Variants in HECTD3 observed in about 807,000 individuals in gnomAD.
The protein encoded by HECTD3 is HECT domain E3 ubiquitin protein ligase 3.
In HECTD3, 72 loss-of-function variants were observed where a neutral mutation model predicts 109.3. That is an observed-to-expected ratio of 0.66 (90% CI 0.54 to 0.80). HECTD3 has a LOEUF of 0.80. Among genes scored for constraint, HECTD3 ranks in the 30% least tolerant of loss-of-function variants. HECTD3 has a pLI of 0.00. For missense variants in HECTD3, 1,041 were observed against 1,165.2 expected (o/e 0.89, Z 1.55); for synonymous variants, 481 against 471.8 (o/e 1.02, Z -0.25).
chr1:45,009,331 A>G (rs1644763280), intron 6 of HECTD3, 38 bp downstream of exon 6: 3 of 1,565,340 alleles, frequency 1.9e-6, no homozygotes, highest in Non-Finnish European at 2.6e-6. Flanking sequence ...CTAGGCTTGG[A>G]ACATGCCCTA....
Position 45,006,877 on chromosome 1 carries a change from T to C in HECTD3, c.1621+74A>G, listed in dbSNP as rs995273497. ...TAATGAATAGGTCCCCCATCATCAT[T>C]AGCTGGTGAAAAGCCTCTACCACTT... On this transcript the variant is annotated intron_variant, in intron 12 of 20. Coordinates refer to ENST00000372172, the MANE Select transcript of HECTD3 (RefSeq NM_024602.6). This position sits in a 1 kb window ranked among gnomAD's most constrained non-coding sequence, Gnocchi z 4.7. 1.3e-6 allele frequency: 2 copies of C among 1,586,054 alleles called. No homozygotes were observed. The highest frequency in any genetic ancestry group is 1.3e-5 in the African/African-American group (1 of 74,426).
At chr1:45,008,394 G>A (rs1411185869) in intron 8 of HECTD3, 73 bp from the exon 9 acceptor site, 2 of 1,511,044 alleles carry the variant, frequency 1.3e-6, no homozygotes, top group Non-Finnish European at 1.8e-6. Context: ...CAACATAAAG[G>A]GACAGGAAAA....
At position 45,011,298 on chromosome 1, in the gene HECTD3, C is replaced by G. The variant is rs558312865; in HGVS notation, c.-41G>C. Reference sequence around the variant, plus strand: ...GTGAGCACCTAGAGGCGACCCTGCCCGGGGAACAGCTGGCGCGACCGCGGA... The same window carrying G: ...GTGAGCACCTAGAGGCGACCCTGCCGGGGGAACAGCTGGCGCGACCGCGGA... On this transcript the variant is annotated 5_prime_UTR_variant, in exon 1 of 21. Transcript: ENST00000372172. 4 of 1,349,782 alleles carry G rather than the reference C, an allele frequency of 3.0e-6. No homozygotes were observed. Among genetic ancestry groups the G allele is most frequent in the East Asian group, 3.1e-5 (1 of 32,362 alleles). The allele number at this position is 1,349,782 out of a possible 1,614,324, so 83.6% of individuals were successfully genotyped here.
intron 3 of HECTD3, 31 bp downstream of exon 3, chr1:45,010,170 C>T (rs766103537): frequency 1.9e-6 from 3 of 1,613,922 alleles, no homozygotes; most frequent in Admixed American, 1.7e-5. Context: ...CGCAGAGCTC[C>T]TTCCTCCCCA....
In HECTD3 at chr1:45,006,142, G is replaced by C. The variant is rs1343900679; in HGVS notation, c.1726-26C>G. 1.2e-6 allele frequency: 2 copies of C among 1,608,784 alleles called. No homozygotes were observed. Among genetic ancestry groups the C allele is most frequent in the African/African-American group, 2.7e-5 (2 of 74,812 alleles). On this transcript the variant is annotated intron_variant, in intron 13 of 20. Coordinates refer to ENST00000372172, the MANE Select transcript of HECTD3 (RefSeq NM_024602.6). The surrounding 1 kb of genome is among the most constrained non-coding windows in gnomAD (Gnocchi z 4.7). ...CTGCCCCAGAGACAGAGCTGTGAGT[G>C]TGGCATGAGATACACCCTATTTTCC...
At position 45,008,606 on chromosome 1, in the gene HECTD3, G is replaced by A; in HGVS notation, c.1168C>T (p.Leu390=). Reference sequence around the variant, plus strand: ...CCTTCTAGGCGTGGATATCGCACCAGACTAGTTGGCTGGAACAGGTCTGCA... The same window carrying A: ...CCTTCTAGGCGTGGATATCGCACCAAACTAGTTGGCTGGAACAGGTCTGCA... ...LNADLFQPTS[L]VRYPRLEGTD... is the part of the protein sequence containing the mutation. Residue 390 remains leucine, a synonymous_variant, in exon 8 of 21, where the codon CTG becomes TTG. Coordinates refer to ENST00000372172, the MANE Select transcript of HECTD3 (RefSeq NM_024602.6). 2 of 1,614,070 alleles carry A rather than the reference G, an allele frequency of 1.2e-6. No homozygotes were observed. The highest frequency in any genetic ancestry group is 2.2e-5 in the South Asian group (2 of 91,076).
chr1:45,010,827 C>CTTT, intron 1 of HECTD3, 62 bp downstream of exon 1: 2 of 1,504,994 alleles, frequency 1.3e-6, no homozygotes, highest in Non-Finnish European at 1.8e-6. Flanking sequence ...AAAAGGCAAA[C>CTTT]AGCCAGAGGT....
intron 17 of HECTD3, 42 bp from the exon 18 acceptor site, chr1:45,004,176 T>C (rs555998898): frequency 1.2e-6 from 2 of 1,614,172 alleles, no homozygotes; most frequent in South Asian, 2.2e-5. Context: ...GGTCTCATCT[T>C]GCCCAGTCCT....
chr1:45,006,732 G>GT lies in HECTD3; in HGVS notation c.1684dup (p.Thr562AsnfsTer20). On this transcript the variant is annotated frameshift_variant, in exon 13 of 21. Transcript: ENST00000372172. LOFTEE classifies it high-confidence loss of function. The surrounding 1 kb of genome is among the most constrained non-coding windows in gnomAD (Gnocchi z 4.7). ...TACAAAGAAGGGCAGGGGCACGGGG[G>GT]TATCCGCTGAGCTAGGGCACAGCTC... 6.2e-7 allele frequency: 1 copy of GT among 1,613,690 alleles called. No individual in the cohort carries two copies. Among genetic ancestry groups the GT allele is most frequent in the Non-Finnish European group, 8.5e-7 (1 of 1,179,792 alleles).
rs920494115 is a variant in HECTD3, at chr1:45,003,414, C to T, written c.*78G>A. Reference sequence around the variant, plus strand: ...GCTGAGCACGTCAGCCAAACCAGGGCAGGGAAGGTGTCTTCGCCCTGGGCA... The same window carrying T: ...GCTGAGCACGTCAGCCAAACCAGGGTAGGGAAGGTGTCTTCGCCCTGGGCA... On this transcript the variant is annotated 3_prime_UTR_variant, in exon 21 of 21. Transcript: ENST00000372172. This position sits in a 1 kb window ranked among gnomAD's most constrained non-coding sequence, Gnocchi z 4.7. The T allele has an allele frequency of 6.9e-6, 9 of 1,304,520 alleles. No individual in the cohort carries two copies. In the African/African-American group the frequency reaches 1.2e-4, roughly 17 times the overall value. The allele number at this position is 1,304,520 out of a possible 1,614,324, so 80.8% of individuals were successfully genotyped here. A position where few individuals can be genotyped will look rare whatever the true frequency, so the allele number is the denominator to read the frequency against.
At position 45,003,519 on chromosome 1, in the gene HECTD3, G is replaced by A. The variant is rs1309114094; in HGVS notation, c.2559C>T (p.Asp853=). Reference sequence around the variant, plus strand: ...ACTCCTCCCAAGGGCTCATGTCAGTGTCGATGGCCACGCAGTTGTAGGCCG... The same window carrying A: ...ACTCCTCCCAAGGGCTCATGTCAGTATCGATGGCCACGCAGTTGTAGGCCG... The part of the protein sequence containing the change: ...RYAAYNCVAI[D]TDMSPWEE The change falls in exon 21 of 21, where the codon GAC becomes GAT. Residue 853 remains aspartate, a synonymous_variant. Coordinates refer to ENST00000372172, the MANE Select transcript of HECTD3 (RefSeq NM_024602.6). This position sits in a 1 kb window ranked among gnomAD's most constrained non-coding sequence, Gnocchi z 4.7. 6.2e-7 allele frequency: 1 copy of A among 1,614,226 alleles called. No individual in the cohort carries two copies. Among genetic ancestry groups the A allele is most frequent in the Non-Finnish European group, 8.5e-7 (1 of 1,180,034 alleles).
In HECTD3 at chr1:45,003,498, C is replaced by A; in HGVS notation, c.2580G>T (p.Glu860Asp). 1 of 1,614,136 alleles carries A rather than the reference C, an allele frequency of 6.2e-7. No homozygotes were observed. Among genetic ancestry groups the A allele is most frequent in the Non-Finnish European group, 8.5e-7 (1 of 1,179,954 alleles). ...VAIDTDMSPWEE is the reference protein window; with the variant it reads ...VAIDTDMSPWDE Reference sequence around the variant, plus strand: ...CCACAGCCGGCGGCACGCCTCACTCCTCCCAAGGGCTCATGTCAGTGTCGA... The same window carrying A: ...CCACAGCCGGCGGCACGCCTCACTCATCCCAAGGGCTCATGTCAGTGTCGA... Residue 860 changes from glutamate to aspartate, a missense_variant, in exon 21 of 21, where the codon GAG becomes GAT. Physicochemically the swap from Glu to Asp is conservative, Grantham distance 45. Transcript: ENST00000372172. The surrounding 1 kb of genome is among the most constrained non-coding windows in gnomAD (Gnocchi z 4.7).
chr1:45,003,671 G>A lies in HECTD3; in HGVS notation c.2499C>T (p.Ala833=), dbSNP rs1454380242. The A allele has an allele frequency of 6.2e-7, 1 of 1,614,132 alleles. No homozygotes were observed. The highest frequency in any genetic ancestry group is 1.7e-5 in the Admixed American group (1 of 60,022). Residue 833 remains alanine (A), a splice_region_variant and synonymous_variant, in exon 20 of 21, where the codon GCC becomes GCT. Coordinates refer to ENST00000372172, the MANE Select transcript of HECTD3 (RefSeq NM_024602.6). The surrounding 1 kb of genome is among the most constrained non-coding windows in gnomAD (Gnocchi z 4.7). ...CSSTLFLPHY[A]SAKVCEEKLR... ...ATCGAGCCTAGGAAAAAACCCACCT[G>A]GCATAGTGTGGCAGGAAGAGGGTGC...
rs1644709493 is a variant in HECTD3, at chr1:45,003,606, T to A, written c.2502-30A>T. 1 of 1,612,744 alleles carries A rather than the reference T, an allele frequency of 6.2e-7. No individual in the cohort carries two copies. On this transcript the variant is annotated intron_variant, in intron 20 of 20. Transcript: ENST00000372172. The surrounding 1 kb of genome is among the most constrained non-coding windows in gnomAD (Gnocchi z 4.7). ...GGGAATGGGGACTTGGTCAGGTCCC[T>A]ACATCGCTACCAGGGGTGATGGGGT...
intron 15 of HECTD3, 47 bp downstream of exon 15, chr1:45,005,747 C>G: frequency 3.3e-6 from 5 of 1,504,194 alleles, no homozygotes; most frequent in South Asian, 2.6e-5. Context: ...GGAGGACCAA[C>G]CTTTAGGGGC....
At position 45,007,534 on chromosome 1, in the gene HECTD3, C is replaced by G. The variant is rs746976409; in HGVS notation, c.1382G>C (p.Arg461Pro). ...GCTGGGCTTGCTGCTCTCAGAGTCA[C>G]GCAGGCACTGAGCCACCAGGCCTGG... ...QRPGLVAQCL[R>P]DSESSKPSFM... Residue 461 changes from arginine to proline, a missense_variant, in exon 10 of 21, where the codon CGT becomes CCT. This residue lies in a region of HECTD3 where 569 missense variants were observed against 715.3 expected (regional missense o/e 0.80). Transcript: ENST00000372172. The G allele has an allele frequency of 6.2e-7, 1 of 1,613,912 alleles. No individual in the cohort carries two copies. Among genetic ancestry groups the G allele is most frequent in the Non-Finnish European group, 8.5e-7 (1 of 1,180,002 alleles).
chr1:45,006,881 T>C lies in HECTD3; in HGVS notation c.1621+70A>G. 1 of 1,592,416 alleles carries C rather than the reference T, an allele frequency of 6.3e-7. No individual in the cohort carries two copies. Among genetic ancestry groups the C allele is most frequent in the East Asian group, 2.2e-5 (1 of 44,774 alleles). The stretch of plus-strand genomic sequence containing the variant: ...GAATAGGTCCCCCATCATCATTAGC[T>C]GGTGAAAAGCCTCTACCACTTTGAT... On this transcript the variant is annotated intron_variant, in intron 12 of 20. Transcript: ENST00000372172. The surrounding 1 kb of genome is among the most constrained non-coding windows in gnomAD (Gnocchi z 4.7).
At chr1:45,009,082 T>A (rs1644760267) in intron 7 of HECTD3, 62 bp downstream of exon 7, 14 of 1,280,138 alleles carry the variant, frequency 1.1e-5, no homozygotes, top group Non-Finnish European at 1.6e-5. Flanking sequence ...CCACACACAC[T>A]CTCTGTTTGC....
Position 45,010,940 on chromosome 1 carries a change from G to A in HECTD3, c.318C>T (p.Thr106=). Residue 106 remains threonine, a synonymous_variant, in exon 1 of 21, where the codon ACC becomes ACT. Transcript: ENST00000372172. ...GGCCATTGCACAGCTCCTCGCCCGT[G>A]GTGCGCACGCAGGCGCCGCGCCGGA... The part of the protein sequence containing the change: ...IELRRGACVR[T]TGEELCNGHG... The A allele has an allele frequency of 6.5e-7, 1 of 1,540,580 alleles. No individual in the cohort carries two copies. Among genetic ancestry groups the A allele is most frequent in the Non-Finnish European group, 8.6e-7 (1 of 1,156,416 alleles).
Sources: allele counts gnomAD v4.1 joint callset, GRCh38; gene constraint gnomAD v4.1.1; regional missense constraint gnomAD v4.1.1; non-coding constraint Gnocchi (gnomAD v3.1); transcripts MANE v1.5; gene names NCBI Gene and HGNC (gene_info 2026-07-23, HGNC 2026-07-21).